The following SNX13 variants were observed in gnomAD, a reference collection of about 807,000 sequenced individuals.
The protein encoded by SNX13 is sorting nexin-13.
In SNX13, 45 loss-of-function variants were observed where a neutral mutation model predicts 133.6. The observed-to-expected ratio is 0.34, with a 90% CI of 0.27 to 0.43. The LOEUF (loss-of-function observed/expected upper bound fraction) is 0.43, where lower values mean the gene tolerates loss of function less well. Ranked by LOEUF, SNX13 falls within the 20% of genes least tolerant of loss-of-function variation. SNX13 has a pLI of 1.00. For missense variants in SNX13, 1,032 were observed against 1,145.1 expected (o/e 0.90, Z 1.43); for synonymous variants, 414 against 373.9 (o/e 1.11, Z -1.24).
intron 1 of SNX13, among the ~76,000 whole-genome samples, chr7:17,918,874 T>C (rs1799832928): frequency 1.3e-5 from 2 of 152,176 alleles, no homozygotes; most frequent in Admixed American, 6.5e-5. Context: ...AATGGTGGAC[T>C]GGATAAAGAA....
chr7:17,917,522 A>C (rs934961758), intron 1 of SNX13, among the ~76,000 whole-genome samples: 2 of 152,130 alleles, frequency 1.3e-5, no homozygotes, highest in Non-Finnish European at 2.9e-5. Flanking sequence ...CCAAAAACCA[A>C]ATCAAGAACA....
chr7:17,886,082 T>C (rs917545659), intron 5 of SNX13, among the ~76,000 whole-genome samples: 1 of 152,160 alleles, frequency 6.6e-6, no homozygotes, highest in Non-Finnish European at 1.5e-5. Context: ...TGTAGGGATA[T>C]ACCATTTATT....
At chr7:17,854,227 G>A (rs1292597774) in intron 9 of SNX13, among the ~76,000 whole-genome samples, 1 of 152,146 alleles carries the variant, frequency 6.6e-6, no homozygotes, top group East Asian at 1.9e-4. Context: ...AACAAAGGAT[G>A]GGGGCTAATT....
At chr7:17,924,045 G>A (rs1023103232) in intron 1 of SNX13, among the ~76,000 whole-genome samples, 2 of 151,962 alleles carry the variant, frequency 1.3e-5, no homozygotes, top group Non-Finnish European at 2.9e-5. Context: ...TATGCTATTT[G>A]ACACCACTAA....
intron 12 of SNX13, among the ~76,000 whole-genome samples, chr7:17,842,061 C>A (rs796695356): frequency 2.6e-5 from 4 of 151,906 alleles, no homozygotes; most frequent in Non-Finnish European, 2.9e-5. Context: ...ACAGGCAGAT[C>A]ATATTTGAAG....
chr7:17,916,220 A>G (rs891554618), intron 1 of SNX13, among the ~76,000 whole-genome samples: 4 of 152,168 alleles, frequency 2.6e-5, no homozygotes, highest in African/African-American at 9.7e-5. Flanking sequence ...CTCACCTCGC[A>G]CCTAAAAAAA....
chr7:17,822,135 AT>A (rs1443469633), intron 17 of SNX13, among the ~76,000 whole-genome samples: 1 of 152,110 alleles, frequency 6.6e-6, no homozygotes, highest in Non-Finnish European at 1.5e-5. Context: ...GATAACATTT[AT>A]CTTCTGGCAA....
Position 17,826,042 on chromosome 7 carries a change from T to C in SNX13, c.1685A>G (p.His562Arg), listed in dbSNP as rs1217061609. Residue 562 changes from histidine to arginine, a missense_variant, in exon 17 of 26, where the codon CAT (histidine) becomes CGT (arginine). By Grantham distance (29) the His-to-Arg change is conservative (BLOSUM62 0). Transcript: ENST00000428135. ...NVSSDDSVQLHAYISDTGVCN... is the reference protein window; with the variant it reads ...NVSSDDSVQLRAYISDTGVCN... ...CTTACCTGTGTCTGAAATGTAGGCATGAAGTTGTACTGAGTCATCAGAAGA... is the reference window on the plus strand; with the variant it reads ...CTTACCTGTGTCTGAAATGTAGGCACGAAGTTGTACTGAGTCATCAGAAGA... 6.4e-7 allele frequency: 1 copy of C among 1,558,026 alleles called. No individual in the cohort carries two copies. The highest frequency in any genetic ancestry group is 2.4e-5 in the East Asian group (1 of 42,534).
At chr7:17,912,845 T>C (rs1799139763) in intron 1 of SNX13, among the ~76,000 whole-genome samples, 1 of 152,120 alleles carries the variant, frequency 6.6e-6, no homozygotes, top group African/African-American at 2.4e-5. Context: ...GAAAGGACCC[T>C]CACAGTCAGA....
chr7:17,846,345 C>G (rs1198459552), intron 11 of SNX13, among the ~76,000 whole-genome samples: 1 of 152,100 alleles, frequency 6.6e-6, no homozygotes, highest in Non-Finnish European at 1.5e-5. Context: ...TTAATCCGCA[C>G]AGCAATCCTG....
At chr7:17,823,484 G>A (rs1787535134) in intron 17 of SNX13, among the ~76,000 whole-genome samples, 1 of 152,196 alleles carries the variant, frequency 6.6e-6, no homozygotes, top group Non-Finnish European at 1.5e-5. Flanking sequence ...ATTGGCAAGA[G>A]TAGTTGGACA....
intron 20 of SNX13, among the ~76,000 whole-genome samples, chr7:17,805,246 T>TGCGCGCGCGC (rs1255822051): frequency 1.0e-5 from 1 of 100,200 alleles, no homozygotes; most frequent in Non-Finnish European, 2.3e-5. Context: ...TGTGTGTGTG[T>TGCGCGCGCGC]GTGTGCGTGC....
At chr7:17,929,922 G>C (rs1234684948) in intron 1 of SNX13, among the ~76,000 whole-genome samples, 1 of 152,102 alleles carries the variant, frequency 6.6e-6, no homozygotes, top group East Asian at 1.9e-4. Context: ...AGCAAGTAAG[G>C]AAAGAATTAG....
At chr7:17,796,997 T>C in intron 24 of SNX13, 58 bp from the exon 25 acceptor site, 2 of 1,261,658 alleles carry the variant, frequency 1.6e-6, no homozygotes, top group Non-Finnish European at 2.3e-6. Context: ...TGATACAAGT[T>C]GATAAAATTA....
At chr7:17,827,864 T>C (rs187518744) in intron 16 of SNX13, among the ~76,000 whole-genome samples, 23 of 152,028 alleles carry the variant, frequency 1.5e-4, no homozygotes, top group Admixed American at 4.6e-4. Flanking sequence ...ATGTGAAAGA[T>C]AGAAGACTCA....
At chr7:17,882,270 G>T (rs1795433891) in intron 5 of SNX13, 1 of 152,106 alleles carries the variant, frequency 6.6e-6, no homozygotes, top group Non-Finnish European at 1.5e-5. Flanking sequence ...ACTTCATGCT[G>T]ATAGCTTAAA....
chr7:17,816,546 A>G (rs1016456859), intron 18 of SNX13, among the ~76,000 whole-genome samples: 2 of 152,154 alleles, frequency 1.3e-5, no homozygotes, highest in African/African-American at 2.4e-5. Context: ...CTGTAATCCC[A>G]GCTACTTGGG....
chr7:17,794,458 T>G, intron 25 of SNX13, 166 bp from the exon 26 acceptor site: 1 of 745,282 alleles, frequency 1.3e-6, no homozygotes. Context: ...TATGCATCTT[T>G]GCATGCATGC....
chr7:17,921,896 C>T (rs1800166305), intron 1 of SNX13, among the ~76,000 whole-genome samples: 1 of 152,180 alleles, frequency 6.6e-6, no homozygotes, highest in African/African-American at 2.4e-5. Flanking sequence ...TGCTGAATAA[C>T]CTTCAGTTAT....
Sources: allele counts gnomAD v4.1 joint callset (sites outside exome capture counted in the v4.1 genomes callset), GRCh38; gene constraint gnomAD v4.1.1; transcripts MANE v1.5; gene names NCBI Gene and HGNC (gene_info 2026-07-23, HGNC 2026-07-21).